The following AXDND1 variants were observed in gnomAD, a reference collection of about 807,000 sequenced individuals.
AXDND1 encodes axonemal dynein light chain domain containing 1.
A neutral mutation model predicts 137.5 loss-of-function variants in AXDND1; 110 were observed. The observed-to-expected ratio is 0.80, with a 90% CI of 0.69 to 0.94. The LOEUF (loss-of-function observed/expected upper bound fraction) is 0.94, where lower values mean the gene tolerates loss of function less well. Ranked by LOEUF, AXDND1 falls within the 40% of genes least tolerant of loss-of-function variation. AXDND1 has a pLI of 0.00. For synonymous variants in AXDND1, 414 were observed against 399.7 expected (o/e 1.04, Z -0.43); for missense variants, 1,191 against 1,169.8 (o/e 1.02, Z -0.26).
chr1:179,394,993 A>T, intron 10 of AXDND1, 105 bp from the exon 11 acceptor site: 1 of 883,522 alleles, frequency 1.1e-6, no homozygotes, highest in Non-Finnish European at 1.8e-6. Flanking sequence ...GAAGGGAGGT[A>T]CACATGATAA....
chr1:179,534,753 A>G lies in AXDND1; in HGVS notation c.2822A>G (p.Gln941Arg). 1.9e-6 allele frequency: 3 copies of G among 1,587,996 alleles called. No homozygotes were observed. Among genetic ancestry groups the G allele is most frequent in the Non-Finnish European group, 2.6e-6 (3 of 1,173,786 alleles). ...AGGGAGGTTGAAAATAGAGCCAGAC[A>G]GGCAGAGGAGAAGTTTGAAGATGCA... is the stretch of plus-strand genomic sequence containing the variant. Reference protein sequence around the residue: ...KLLEVENRARQAEEKFEDAYE... With the variant: ...KLLEVENRARRAEEKFEDAYE... The change falls in exon 25 of 26, where the codon CAG (glutamine) becomes CGG (arginine). Residue 941 changes from glutamine (Q) to arginine (R), a missense_variant. Gln to Arg is a conservative substitution (Grantham distance 43). Transcript: ENST00000367618.
chr1:179,511,972 T>C (rs1372018687), intron 21 of AXDND1, among the ~76,000 whole-genome samples: 1 of 152,230 alleles, frequency 6.6e-6, no homozygotes, highest in African/African-American at 2.4e-5. Context: ...TAGTCCTTTG[T>C]CAGATGTAAA....
At chr1:179,540,675 G>A (rs192825391) in intron 25 of AXDND1, among the ~76,000 whole-genome samples, 181 of 152,308 alleles carry the variant, frequency 1.2e-3, no homozygotes, top group African/African-American at 4.1e-3. Context: ...GGGGGTCAGG[G>A]ACCCACTTGA....
chr1:179,400,508 A>T (rs1419585690), intron 11 of AXDND1, among the ~76,000 whole-genome samples: 1 of 152,042 alleles, frequency 6.6e-6, no homozygotes. Context: ...AAAATCTCAC[A>T]AATCACCACT....
chr1:179,464,349 G>T (rs1474333605), intron 16 of AXDND1, among the ~76,000 whole-genome samples: 1 of 152,156 alleles, frequency 6.6e-6, no homozygotes, highest in Non-Finnish European at 1.5e-5. Context: ...GTCTGTAAAG[G>T]ATTTTATTTC....
chr1:179,390,641 A>G (rs530410088), intron 9 of AXDND1, among the ~76,000 whole-genome samples: 3 of 151,598 alleles, frequency 2.0e-5, no homozygotes, highest in Non-Finnish European at 2.9e-5. Flanking sequence ...ACAAGTTTTT[A>G]TTTTTGTTTT....
At chr1:179,499,208 C>T (rs1184907751) in intron 20 of AXDND1, among the ~76,000 whole-genome samples, 5 of 151,882 alleles carry the variant, frequency 3.3e-5, no homozygotes, top group African/African-American at 9.7e-5. Context: ...CCATCAATTG[C>T]GACTAGATAA....
chr1:179,465,725 G>A (rs1425743928), intron 16 of AXDND1, among the ~76,000 whole-genome samples: 1 of 152,246 alleles, frequency 6.6e-6, no homozygotes. Flanking sequence ...CAGAGATGGA[G>A]TCTGCAGAGG....
intron 16 of AXDND1, chr1:179,456,555 C>T (rs1661433946): frequency 1.3e-6 from 1 of 778,878 alleles, no homozygotes; most frequent in Admixed American, 1.7e-5. Flanking sequence ...TCTGCTTCCT[C>T]CGGAGTAACC....
At chr1:179,546,996 C>T (rs1005690026) in intron 25 of AXDND1, among the ~76,000 whole-genome samples, 2 of 152,196 alleles carry the variant, frequency 1.3e-5, no homozygotes, top group South Asian at 4.1e-4. Context: ...AGCTGGAGGT[C>T]AATGACCCAG....
chr1:179,549,376 C>T (rs1672973526), intron 25 of AXDND1, among the ~76,000 whole-genome samples: 1 of 152,196 alleles, frequency 6.6e-6, no homozygotes, highest in South Asian at 2.1e-4. Context: ...ATTTGAAAGA[C>T]AACGCATGCC....
At chr1:179,520,823 A>T (rs1462784465) in intron 21 of AXDND1, among the ~76,000 whole-genome samples, 2 of 149,544 alleles carry the variant, frequency 1.3e-5, no homozygotes, top group Admixed American at 1.3e-4. Context: ...TAAATGAGAC[A>T]TTCTTTTCCA....
intron 9 of AXDND1, 63 bp downstream of exon 9, chr1:179,385,422 A>G (rs140324387): frequency 1.3e-6 from 2 of 1,587,274 alleles, no homozygotes; most frequent in East Asian, 2.2e-5. Flanking sequence ...TTGTCTTTAT[A>G]TCTACTTTTG....
intron 2 of AXDND1, among the ~76,000 whole-genome samples, chr1:179,367,390 C>T (rs1424248289): frequency 1.3e-5 from 2 of 152,054 alleles, no homozygotes; most frequent in Non-Finnish European, 2.9e-5. Flanking sequence ...TGGCTCGTGC[C>T]TGTAGTCCCA....
intron 9 of AXDND1, among the ~76,000 whole-genome samples, chr1:179,392,855 T>A (rs1454407427): frequency 6.6e-6 from 1 of 152,198 alleles, no homozygotes; most frequent in African/African-American, 2.4e-5. Context: ...GAGTTCATCG[T>A]AGATTTTGGG....
chr1:179,508,786 C>A (rs4651038), intron 20 of AXDND1, among the ~76,000 whole-genome samples: 100,050 of 151,840 alleles, frequency 0.66, 34,157 homozygotes, highest in South Asian at 0.81. Flanking sequence ...ATTTTTGTGA[C>A]CTTGAGCAAG....
At chr1:179,411,507 G>A (rs536708885) in intron 12 of AXDND1, among the ~76,000 whole-genome samples, 13 of 151,962 alleles carry the variant, frequency 8.6e-5, no homozygotes, top group African/African-American at 2.4e-4. Context: ...GCCACACCCG[G>A]CCTGTTTTGC....
chr1:179,440,010 A>T (rs1658765947), intron 15 of AXDND1, among the ~76,000 whole-genome samples: 1 of 152,084 alleles, frequency 6.6e-6, no homozygotes, highest in Non-Finnish European at 1.5e-5. Context: ...TTTTCCTCTA[A>T]CACTTGCCAG....
chr1:179,403,252 C>T (rs907403776), intron 11 of AXDND1, among the ~76,000 whole-genome samples: 3 of 152,094 alleles, frequency 2.0e-5, no homozygotes, highest in African/African-American at 7.2e-5. Context: ...GTACTGTATT[C>T]ATTGATATTG....
Sources: gnomAD v4.1 joint callset for allele counts (sites outside exome capture counted in the v4.1 genomes callset) on GRCh38, gnomAD v4.1.1 for gene constraint, MANE v1.5 for transcripts, NCBI Gene and HGNC (gene_info 2026-07-23, HGNC 2026-07-21) for gene names.